The following PRKAG2 variants were observed in gnomAD, a reference collection of about 807,000 sequenced individuals.
PRKAG2 encodes protein kinase AMP-activated non-catalytic subunit gamma 2.
Under a neutral mutation model 69.6 loss-of-function variants are expected in PRKAG2, and 26 were observed. The ratio of observed to expected loss-of-function variants is 0.37; its 90% confidence interval spans 0.27 to 0.52. PRKAG2 has a LOEUF of 0.52. Ranked by LOEUF, PRKAG2 falls within the 20% of genes least tolerant of loss-of-function variation. The pLI is 0.90. For synonymous variants in PRKAG2, 293 were observed against 285.0 expected (o/e 1.03, Z -0.28); for missense variants, 557 against 740.0 (o/e 0.75, Z 2.87).
At chr7:151,621,728 A>C (rs1292889118) in intron 5 of PRKAG2, among the ~76,000 whole-genome samples, 1 of 151,862 alleles carries the variant, frequency 6.6e-6, no homozygotes, top group Non-Finnish European at 1.5e-5. Context: ...GTGCACCACC[A>C]CACCCGGATA....
intron 15 of PRKAG2, chr7:151,559,656 A>G (rs1804485526): frequency 1.0e-6 from 1 of 985,068 alleles, no homozygotes; most frequent in Non-Finnish European, 1.2e-6. Context: ...TACAGACTTA[A>G]TTGTAAAAAC....
At chr7:151,707,822 G>A (rs1026743491) in intron 3 of PRKAG2, among the ~76,000 whole-genome samples, 2 of 152,198 alleles carry the variant, frequency 1.3e-5, no homozygotes, top group Non-Finnish European at 2.9e-5. Flanking sequence ...CACAGAGCCC[G>A]TGATGTGCCC....
At chr7:151,624,454 C>G (rs1490547412) in intron 5 of PRKAG2, among the ~76,000 whole-genome samples, 50 of 152,040 alleles carry the variant, frequency 3.3e-4, no homozygotes, top group Admixed American at 3.3e-3. Flanking sequence ...CCGGCCGTGG[C>G]AGCATATTAA....
rs1029971358 is a variant in PRKAG2, at chr7:151,567,050, C to T, written c.1234-1165G>A. Among the ~76,000 whole-genome samples the T allele has an allele frequency of 7.2e-5, 11 of 152,304 alleles. No homozygotes were observed. The highest frequency in any genetic ancestry group is 3.9e-4 in the East Asian group (2 of 5,186). On this transcript the variant is annotated intron_variant, in intron 11 of 15. Transcript: ENST00000287878. The surrounding 1 kb of genome is among the most constrained non-coding windows in gnomAD (Gnocchi z 4.2). ...GCAGCTCTGCAAAAGAATGATCTCACGCTTTTACTCCCTCTTGTGCAACAG... is the reference window on the plus strand; with the variant it reads ...GCAGCTCTGCAAAAGAATGATCTCATGCTTTTACTCCCTCTTGTGCAACAG...
At chr7:151,693,663 C>T (rs10275386) in intron 3 of PRKAG2, among the ~76,000 whole-genome samples, 23,783 of 152,132 alleles carry the variant, frequency 0.16, 1,971 homozygotes, top group Middle Eastern at 0.25. Flanking sequence ...GAATTCTACC[C>T]GCAAGGTGAT....
chr7:151,685,200 G>A (rs1834539372), intron 3 of PRKAG2, among the ~76,000 whole-genome samples: 1 of 152,162 alleles, frequency 6.6e-6, no homozygotes, highest in Non-Finnish European at 1.5e-5. Context: ...CACCCTCCGT[G>A]TTGGTGGATG....
rs2079117335 is a variant in PRKAG2 at position 151,835,069 on chromosome 7, C to A, written c.114+41438G>T. ...CCATGTGGAAAAGGGCCAGCCTGCT[C>A]CAATGTGGCCTCATCAAAACTCATC... On this transcript the variant is annotated intron_variant, in intron 1 of 15. Coordinates refer to ENST00000287878, the MANE Select transcript of PRKAG2 (RefSeq NM_016203.4). The surrounding 1 kb of genome is among the most constrained non-coding windows in gnomAD (Gnocchi z 4.1). Among the ~76,000 whole-genome samples the A allele has an allele frequency of 6.6e-6, 1 of 152,206 alleles. No homozygotes were observed. The highest frequency in any genetic ancestry group is 1.5e-5 in the Non-Finnish European group (1 of 68,042).
intron 5 of PRKAG2, among the ~76,000 whole-genome samples, chr7:151,623,780 T>C (rs529198402): frequency 1.4e-4 from 21 of 152,298 alleles, no homozygotes; most frequent in Non-Finnish European, 2.4e-4. Context: ...GCTATGGCTC[T>C]AATTACACAT....
intron 1 of PRKAG2, among the ~76,000 whole-genome samples, chr7:151,837,039 C>T (rs538797505): frequency 1.3e-5 from 2 of 152,254 alleles, no homozygotes; most frequent in South Asian, 2.1e-4. Flanking sequence ...CTGCCCTGGG[C>T]GCTGCGAGGA....
intron 1 of PRKAG2, among the ~76,000 whole-genome samples, chr7:151,820,098 C>T (rs1259097177): frequency 1.3e-5 from 2 of 152,214 alleles, no homozygotes; most frequent in Non-Finnish European, 2.9e-5. Context: ...GTCCCGTGAC[C>T]CCACAGTGAC....
chr7:151,843,127 A>AATAT, intron 1 of PRKAG2, among the ~76,000 whole-genome samples: 1 of 152,106 alleles, frequency 6.6e-6, no homozygotes, highest in Non-Finnish European at 1.5e-5. Flanking sequence ...TCTGGGCATG[A>AATAT]ATATATGTGT....
intron 3 of PRKAG2, among the ~76,000 whole-genome samples, chr7:151,770,893 C>T (rs1586408968): frequency 1.3e-5 from 2 of 152,288 alleles, no homozygotes; most frequent in South Asian, 4.1e-4. Context: ...TTAAGCGTTG[C>T]AGAGGCTGAG....
rs2078071618 is a variant in PRKAG2, at chr7:151,805,784, G to A, written c.115-19243C>T. Among the ~76,000 whole-genome samples the A allele has an allele frequency of 2.6e-5, 4 of 152,324 alleles. 1 individual carries two copies. The Middle Eastern group carries it at 0.01, about 389-fold the overall frequency. On this transcript the variant is annotated intron_variant, in intron 1 of 15. Coordinates refer to ENST00000287878, the MANE Select transcript of PRKAG2 (RefSeq NM_016203.4). ...ACAGATTCTTCCTTCTCAGAGCTTT[G>A]ATGAGAGGAAAGAGGCAGATTCCAC...
intron 1 of PRKAG2, among the ~76,000 whole-genome samples, chr7:151,845,928 T>C (rs2079420621): frequency 1.3e-5 from 2 of 152,158 alleles, no homozygotes; most frequent in African/African-American, 2.4e-5. Context: ...ACAGTGTGTA[T>C]GGTCCCGGAA....
chr7:151,580,612 T>A (rs2151065099), intron 6 of PRKAG2, among the ~76,000 whole-genome samples: 1 of 152,290 alleles, frequency 6.6e-6, no homozygotes, highest in Admixed American at 6.5e-5. Flanking sequence ...GTAAAATTAT[T>A]ATTAAAAGAT....
chr7:151,868,326 C>T (rs2080128784), intron 1 of PRKAG2, among the ~76,000 whole-genome samples: 2 of 152,244 alleles, frequency 1.3e-5, no homozygotes, highest in South Asian at 2.1e-4. Flanking sequence ...AAGCTCAGCT[C>T]GTTAATAGCT....
At position 151,814,948 on chromosome 7, in the gene PRKAG2, G is replaced by T; in HGVS notation, c.115-28407C>A. The stretch of plus-strand genomic sequence containing the variant: ...AAAGACAGGCAGCAGGATGGAGGGA[G>T]GCAGGAGCAGAGGCCGATGATGCAG... On this transcript the variant is annotated intron_variant, in intron 1 of 15. Coordinates refer to ENST00000287878, the MANE Select transcript of PRKAG2 (RefSeq NM_016203.4). The surrounding 1 kb of genome is among the most constrained non-coding windows in gnomAD (Gnocchi z 4.8). The T allele has an allele frequency of 9.1e-7, 1 of 1,094,082 alleles. No individual in the cohort carries two copies. The highest frequency in any genetic ancestry group is 1.2e-6 in the Non-Finnish European group (1 of 863,136). 67.8% of individuals were successfully genotyped at this position (1,094,082 alleles called of 1,614,324 possible).
chr7:151,663,629 G>A (rs1830634098), intron 4 of PRKAG2, among the ~76,000 whole-genome samples: 2 of 152,188 alleles, frequency 1.3e-5, no homozygotes, highest in Admixed American at 1.3e-4. Context: ...TAGACCGCTG[G>A]GATTACAGGC....
chr7:151,565,400 T>C lies in PRKAG2; in HGVS notation c.1400-17A>G, dbSNP rs747734859. ...CAACTTTTCCTAAAAATGAAAAATA[T>C]ATGTTAGAAAAATGTCTTAAGGGAC... is the stretch of plus-strand genomic sequence containing the variant. On this transcript the variant is annotated splice_polypyrimidine_tract_variant and intron_variant, in intron 12 of 15. Transcript: ENST00000287878. 7 of 1,336,450 alleles carry C rather than the reference T, an allele frequency of 5.2e-6. No homozygotes were observed. The highest frequency in any genetic ancestry group is 7.3e-6 in the Non-Finnish European group (7 of 957,038). 82.8% of individuals were successfully genotyped at this position (1,336,450 alleles called of 1,614,324 possible).
Sources: allele counts gnomAD v4.1 joint callset (sites outside exome capture counted in the v4.1 genomes callset), GRCh38; gene constraint gnomAD v4.1.1; non-coding constraint Gnocchi (gnomAD v3.1); transcripts MANE v1.5; gene names NCBI Gene and HGNC (gene_info 2026-07-23, HGNC 2026-07-21).